Variants in ANKS1B observed in about 807,000 individuals in gnomAD.
ANKS1B encodes ankyrin repeat and sterile alpha motif domain-containing protein 1B.
Under a neutral mutation model 148.3 loss-of-function variants are expected in ANKS1B, and 36 were observed. The observed-to-expected ratio is 0.24, with a 90% CI of 0.19 to 0.32. ANKS1B has a LOEUF of 0.32. ANKS1B is among the 10% of genes least tolerant of loss of function. The pLI, the probability that ANKS1B is intolerant of heterozygous loss-of-function variation, is 1.00. For synonymous variants in ANKS1B, 542 were observed against 560.8 expected, an observed-to-expected ratio of 0.97 and a Z score of 0.47; for missense variants, 1,157 against 1,542.6, an observed-to-expected ratio of 0.75 and a Z score of 4.19.
At chr12:99,856,136 CTTTGAAA>C (rs1312825874) in intron 1 of ANKS1B, among the ~76,000 whole-genome samples, 1 of 151,940 alleles carries the variant, frequency 6.6e-6, no homozygotes, top group Non-Finnish European at 1.5e-5. Flanking sequence ...AAAGCTGGTT[CTTTGAAA>C]AGATAAATAA....
At chr12:98,819,472 G>A (rs1478682219) in intron 19 of ANKS1B, among the ~76,000 whole-genome samples, 2 of 152,208 alleles carry the variant, frequency 1.3e-5, no homozygotes, top group African/African-American at 4.8e-5. Flanking sequence ...GGGAGCAGAT[G>A]TATTCTTTGT....
intron 1 of ANKS1B, among the ~76,000 whole-genome samples, chr12:99,956,234 T>C (rs1041014227): frequency 2.0e-5 from 3 of 146,562 alleles, no homozygotes; most frequent in Admixed American, 1.4e-4. Context: ...GCTGAGATCA[T>C]GCCATTGCAC....
intron 14 of ANKS1B, among the ~76,000 whole-genome samples, chr12:99,194,226 T>C (rs1308007209): frequency 6.6e-6 from 1 of 152,148 alleles, no homozygotes; most frequent in Non-Finnish European, 1.5e-5. Flanking sequence ...GAAATTGATA[T>C]CATATTGCAT....
At chr12:98,980,496 G>A (rs573148842) in intron 17 of ANKS1B, among the ~76,000 whole-genome samples, 3 of 152,274 alleles carry the variant, frequency 2.0e-5, no homozygotes, top group East Asian at 1.9e-4. Flanking sequence ...GTGAGCCACC[G>A]CGCCCGGCCG....
chr12:99,122,094 T>C (rs2888396), intron 15 of ANKS1B, among the ~76,000 whole-genome samples: 9,656 of 152,254 alleles, frequency 0.063, 672 homozygotes, highest in African/African-American at 0.17. Flanking sequence ...TTCTATCACT[T>C]GGTGATCCTG....
intron 22 of ANKS1B, among the ~76,000 whole-genome samples, chr12:98,791,578 G>C (rs936456699): frequency 6.6e-6 from 1 of 152,052 alleles, no homozygotes; most frequent in Non-Finnish European, 1.5e-5. Context: ...ATGGGATCTG[G>C]CTATGTTGCC....
chr12:99,496,462 C>T (rs10860447), intron 10 of ANKS1B, among the ~76,000 whole-genome samples: 37,027 of 151,996 alleles, frequency 0.24, 5,015 homozygotes, highest in African/African-American at 0.37. Context: ...AGGAAACAAA[C>T]AGGATTCAAT....
chr12:99,577,938 A>G (rs966897578), intron 9 of ANKS1B, among the ~76,000 whole-genome samples: 2 of 152,142 alleles, frequency 1.3e-5, no homozygotes, highest in South Asian at 2.1e-4. Context: ...CTACAGGCCA[A>G]TATCTCTGAT....
intron 14 of ANKS1B, among the ~76,000 whole-genome samples, chr12:99,192,272 T>C (rs966775650): frequency 6.6e-6 from 1 of 151,930 alleles, no homozygotes; most frequent in Non-Finnish European, 1.5e-5. Flanking sequence ...AAATTGAAAA[T>C]TGTCTTGCTT....
chr12:99,863,734 T>C (rs991982799), intron 1 of ANKS1B, among the ~76,000 whole-genome samples: 1 of 146,440 alleles, frequency 6.8e-6, no homozygotes, highest in Non-Finnish European at 1.5e-5. Context: ...AAAAAAAAAA[T>C]TCTTGCCAAA....
intron 14 of ANKS1B, among the ~76,000 whole-genome samples, chr12:99,221,812 C>T (rs1346220591): frequency 1.3e-5 from 2 of 152,094 alleles, no homozygotes; most frequent in Non-Finnish European, 2.9e-5. Flanking sequence ...AGCAATTTAA[C>T]TTTTGGGAAT....
Position 99,984,373 on chromosome 12 carries a change from T to G in ANKS1B, c.-136A>C. 8 of 446,850 alleles carry G rather than the reference T, an allele frequency of 1.8e-5. No homozygotes were observed. Among genetic ancestry groups the G allele is most frequent in the East Asian group, 1.2e-4 (2 of 16,042 alleles). The allele number at this position is 446,850 out of a possible 1,614,324, so 27.7% of individuals were successfully genotyped here. A position where few individuals can be genotyped will look rare whatever the true frequency, so the allele number is the denominator to read the frequency against. On this transcript the variant is annotated 5_prime_UTR_variant, in exon 1 of 27. Transcript: ENST00000683438. ...AAGAGCTTCAGCACGGAGAGCTCCC[T>G]GCAGCCCCAGGCAGGGAGCACGACT... is the stretch of plus-strand genomic sequence containing the variant.
chr12:99,501,051 G>A (rs2096650521), intron 10 of ANKS1B, among the ~76,000 whole-genome samples: 1 of 151,520 alleles, frequency 6.6e-6, no homozygotes, highest in Non-Finnish European at 1.5e-5. Context: ...TTGCATGTGT[G>A]TATGTGTAAG....
intron 12 of ANKS1B, among the ~76,000 whole-genome samples, chr12:99,306,266 G>A (rs1020153382): frequency 2.0e-5 from 3 of 152,080 alleles, no homozygotes; most frequent in African/African-American, 7.2e-5. Flanking sequence ...TGCAAGTGGG[G>A]TAGGGGATGA....
intron 10 of ANKS1B, among the ~76,000 whole-genome samples, chr12:99,485,547 T>C (rs1243871315): frequency 1.3e-5 from 2 of 152,188 alleles, no homozygotes; most frequent in Non-Finnish European, 2.9e-5. Flanking sequence ...TCTAGATCTC[T>C]AGCTAGACCA....
chr12:99,301,136 G>C (rs147801274), intron 12 of ANKS1B, among the ~76,000 whole-genome samples: 1 of 152,306 alleles, frequency 6.6e-6, no homozygotes, highest in Non-Finnish European at 1.5e-5. Context: ...CCCAGCTCAA[G>C]AAGAGAGCAA....
intron 10 of ANKS1B, among the ~76,000 whole-genome samples, chr12:99,496,723 ATT>A (rs77182249): frequency 5.5e-4 from 83 of 150,984 alleles, no homozygotes; most frequent in African/African-American, 1.8e-3. Flanking sequence ...ACATCTGATA[ATT>A]TTTTTTTTCC....
intron 12 of ANKS1B, among the ~76,000 whole-genome samples, chr12:99,277,746 G>C (rs1380452692): frequency 6.6e-6 from 1 of 152,194 alleles, no homozygotes; most frequent in African/African-American, 2.4e-5. Context: ...CTGGTGCTGA[G>C]TCTTAAGGGA....
intron 24 of ANKS1B, among the ~76,000 whole-genome samples, chr12:98,778,210 C>T (rs1231050990): frequency 6.6e-6 from 1 of 152,206 alleles, no homozygotes; most frequent in East Asian, 1.9e-4. Context: ...GGCGTGGTGG[C>T]TCATGCCTGT....
Sources: allele counts gnomAD v4.1 joint callset (sites outside exome capture counted in the v4.1 genomes callset), GRCh38; gene constraint gnomAD v4.1.1; transcripts MANE v1.5; gene names NCBI Gene and HGNC (gene_info 2026-07-23, HGNC 2026-07-21).